HELLS: variants seen among roughly 807,000 people sequenced by gnomAD.
HELLS encodes the protein helicase, lymphoid specific, also known as lymphoid-specific helicase.
HELLS carries 32 observed loss-of-function variants against 120.0 expected under a neutral mutation model. The ratio of observed to expected loss-of-function variants is 0.27; its 90% CI spans 0.20 to 0.36. The LOEUF (loss-of-function observed/expected upper bound fraction) is 0.36. Among genes scored for constraint, HELLS ranks in the 10% least tolerant of loss-of-function variants. HELLS has a pLI of 1.00. For synonymous variants in HELLS, 341 were observed against 323.4 expected (o/e 1.05, Z -0.58); for missense variants, 650 against 993.4 (o/e 0.65, Z 4.65).
intron 4 of HELLS, among the ~76,000 whole-genome samples, chr10:94,561,906 A>G (rs540628761): frequency 3.4e-4 from 51 of 151,874 alleles, no homozygotes; most frequent in South Asian, 8.3e-4. Flanking sequence ...TACCCTACCT[A>G]TTGAAGGGTA....
intron 12 of HELLS, chr10:94,584,134 TC>T (rs2134086844): frequency 7.8e-7 from 1 of 1,277,870 alleles, no homozygotes; most frequent in African/African-American, 1.5e-5. Flanking sequence ...AGGTTAGAAG[TC>T]CTTTTCAGTG....
At chr10:94,613,271 G>A (rs1037581263) in exon 10 of HELLS, 6 of 152,160 alleles carry the variant, frequency 3.9e-5, no homozygotes, top group Non-Finnish European at 8.8e-5. Flanking sequence ...TGTGGCAATT[G>A]TTCAATTTTG....
intron 10 of HELLS, among the ~76,000 whole-genome samples, chr10:94,580,954 T>C (rs1292180108): frequency 6.6e-6 from 1 of 152,192 alleles, no homozygotes; most frequent in South Asian, 2.1e-4. Context: ...TCAGCACATA[T>C]GGAACTAATA....
rs750499200 is a variant in HELLS at position 94,571,423 on chromosome 10, G to T, written c.471G>T (p.Glu157Asp). The part of the protein sequence containing the change: ...ILSVAKKNKK[E>D]NEDENSSSTN... Reference sequence around the variant, plus strand: ...CTGTGGCTAAAAAAAATAAAAAGGAGAATGAGGTAAGAAATTTATAATGTA... The same window carrying T: ...CTGTGGCTAAAAAAAATAAAAAGGATAATGAGGTAAGAAATTTATAATGTA... Residue 157 changes from glutamate to aspartate, a missense_variant, in exon 7 of 22, where the codon GAG becomes GAT. By Grantham distance (45) the Glu-to-Asp change is conservative. This residue lies in a region of HELLS where 113 missense variants were observed against 120.7 expected (regional missense o/e 0.94). Coordinates refer to ENST00000348459, the MANE Select transcript of HELLS (RefSeq NM_018063.5). 9.3e-6 allele frequency: 14 copies of T among 1,498,986 alleles called. No individual in the cohort carries two copies. In the South Asian group the frequency reaches 1.6e-4, roughly 17 times the overall value. The allele number at this position is 1,498,986 out of a possible 1,614,324, so 92.9% of individuals were successfully genotyped here. A position where few individuals can be genotyped will look rare whatever the true frequency, so the allele number is the denominator to read the frequency against.
intron 8 of HELLS, 40 bp from the exon 9 acceptor site, chr10:94,574,514 T>G: frequency 7.0e-7 from 1 of 1,425,834 alleles, no homozygotes; most frequent in Non-Finnish European, 9.8e-7. Context: ...TGTAGTTGTT[T>G]ATATCCAAGT....
At chr10:94,553,239 A>C (rs1843070642) in intron 2 of HELLS, among the ~76,000 whole-genome samples, 1 of 151,974 alleles carries the variant, frequency 6.6e-6, no homozygotes, top group Non-Finnish European at 1.5e-5. Flanking sequence ...ATGTTTTAGC[A>C]AATTACACAT....
rs556639104 is a variant in HELLS, at chr10:94,563,198, C to T, written c.435+322C>T. ...GCAACCTCCACCTCGCGGGTTCAAGCGATTCTCCTGTCTCAGCCTCCCAAG... is the reference window on the plus strand; with the variant it reads ...GCAACCTCCACCTCGCGGGTTCAAGTGATTCTCCTGTCTCAGCCTCCCAAG... On this transcript the variant is annotated intron_variant, in intron 6 of 21. Transcript: ENST00000348459. Among the ~76,000 whole-genome samples, 17 of 151,800 alleles carry T rather than the reference C, an allele frequency of 1.1e-4. 1 individual carries two copies. Among genetic ancestry groups the T allele is most frequent in the Admixed American group, 1.1e-3 (17 of 15,218 alleles).
chr10:94,583,880 T>C, intron 12 of HELLS: 1 of 407,010 alleles, frequency 2.5e-6, no homozygotes, highest in Admixed American at 4.3e-5. Context: ...TCTACTATAA[T>C]TAATAATATC....
chr10:94,557,114 C>T, intron 3 of HELLS: 2 of 342,554 alleles, frequency 5.8e-6, no homozygotes, highest in Non-Finnish European at 1.2e-5. Flanking sequence ...TTGTTCTGTT[C>T]TTCCCATTGC....
intron 6 of HELLS, chr10:94,571,070 AC>A: frequency 5.2e-6 from 1 of 193,280 alleles, no homozygotes; most frequent in Non-Finnish European, 1.0e-5. Flanking sequence ...TAGTTTGCTG[AC>A]CCCAGGACTA....
At chr10:94,598,088 AAAT>A (rs1050722904) in intron 21 of HELLS, among the ~76,000 whole-genome samples, 2 of 152,140 alleles carry the variant, frequency 1.3e-5, no homozygotes, top group Non-Finnish European at 2.9e-5. Flanking sequence ...TTGAAAACAA[AAAT>A]AATATTTTGT....
At chr10:94,607,579 T>A (rs1293694135) in intron 8 of HELLS, among the ~76,000 whole-genome samples, 1 of 152,198 alleles carries the variant, frequency 6.6e-6, no homozygotes, top group Non-Finnish European at 1.5e-5. Context: ...CTTTAGTGAG[T>A]CACTATTCCA....
intron 4 of HELLS, among the ~76,000 whole-genome samples, chr10:94,560,094 G>A (rs956424615): frequency 6.6e-6 from 1 of 151,924 alleles, no homozygotes; most frequent in African/African-American, 2.4e-5. Context: ...ATGCAGTGGC[G>A]TGATTTCGGC....
At chr10:94,603,074 G>T (rs1846083548), downstream of HELLS, among the ~76,000 whole-genome samples, 1 of 152,162 alleles carries the variant, frequency 6.6e-6, no homozygotes, top group African/African-American at 2.4e-5. Flanking sequence ...TGTAAACCTA[G>T]CATCTGTGCC....
exon 9 of HELLS, chr10:94,607,976 C>T (rs1306636658): frequency 1.7e-5 from 7 of 404,440 alleles, no homozygotes; most frequent in Non-Finnish European, 3.5e-5. Context: ...CTGCCCACCT[C>T]GGCCTCCCAA....
At chr10:94,568,787 A>G (rs979078820) in intron 6 of HELLS, among the ~76,000 whole-genome samples, 1 of 152,202 alleles carries the variant, frequency 6.6e-6, no homozygotes, top group Non-Finnish European at 1.5e-5. Context: ...TGTATTACGG[A>G]AAATCTCAAA....
chr10:94,582,686 T>C lies in HELLS; in HGVS notation c.1230-277T>C, dbSNP rs1844930436. Reference sequence around the variant, plus strand: ...ATAAATATATACCTTAATCTTATTTTTGATTTTTATACTACTGTACAATTG... The same window carrying C: ...ATAAATATATACCTTAATCTTATTTCTGATTTTTATACTACTGTACAATTG... On this transcript the variant is annotated intron_variant, in intron 11 of 21. Coordinates refer to ENST00000348459, the MANE Select transcript of HELLS (RefSeq NM_018063.5). 2.0e-5 allele frequency among the ~76,000 whole-genome samples: 3 copies of C among 152,156 alleles called. No homozygotes were observed. The South Asian group carries it at 6.2e-4, about 32-fold the overall frequency.
intron 4 of HELLS, among the ~76,000 whole-genome samples, chr10:94,562,363 A>C (rs1029868426): frequency 2.0e-5 from 3 of 152,122 alleles, no homozygotes; most frequent in African/African-American, 7.2e-5. Flanking sequence ...AGATTGTACC[A>C]GTGCACACTA....
intron 11 of HELLS, 124 bp from the exon 12 acceptor site, chr10:94,582,839 C>T: frequency 1.3e-5 from 7 of 532,652 alleles, no homozygotes; most frequent in South Asian, 6.4e-5. Flanking sequence ...AAAATTGCAC[C>T]TAAGGATTTG....
Sources: gnomAD v4.1 joint callset for allele counts (sites outside exome capture counted in the v4.1 genomes callset) on GRCh38, gnomAD v4.1.1 for gene constraint, gnomAD v4.1.1 regional missense constraint, MANE v1.5 for transcripts, NCBI Gene and HGNC (gene_info 2026-07-23, HGNC 2026-07-21) for gene names.